The following ETF1 variants were observed in gnomAD, a reference collection of about 807,000 sequenced individuals.
ETF1 encodes the protein eukaryotic peptide chain release factor subunit 1.
Under a neutral mutation model 55.1 loss-of-function variants are expected in ETF1, and 4 were observed. That is an observed-to-expected ratio of 0.07 (90% confidence interval 0.04 to 0.17). The LOEUF (loss-of-function observed/expected upper bound fraction) is 0.17, where lower values mean the gene tolerates loss of function less well. ETF1 is among the 10% of genes least tolerant of loss of function. The probability of loss-of-function intolerance (pLI) is 1.00; values close to 1 mark genes in which losing one functional copy is unlikely to be tolerated. For missense variants in ETF1, 142 were observed against 523.6 expected (o/e 0.27, Z 7.11); for synonymous variants, 157 against 182.3 (o/e 0.86, Z 1.12).
rs111540636 is a variant in ETF1, at chr5:138,527,778, C to CT, written c.87-8912dup. 9.0e-3 allele frequency among the ~76,000 whole-genome samples: 1,314 copies of CT among 145,584 alleles called. 12 individuals carry two copies. The highest frequency in any genetic ancestry group is 0.038 in the South Asian group (174 of 4,622). On this transcript the variant is annotated intron_variant, in intron 2 of 10. Coordinates refer to ENST00000360541, the MANE Select transcript of ETF1 (RefSeq NM_004730.4). The stretch of plus-strand genomic sequence containing the variant: ...GGGTTTGTAGGAAGTTCTTTCTTTT[C>CT]TTTTTTTTTTTGAGAGGGGGTTTCC...
intron 9 of ETF1, 58 bp from the exon 10 acceptor site, chr5:138,508,874 A>G: frequency 6.3e-7 from 1 of 1,575,294 alleles, no homozygotes; most frequent in South Asian, 1.2e-5. Context: ...AAGGCTAATT[A>G]GTCCCTCTCA....
At chr5:138,524,805 T>C (rs1032596522) in intron 2 of ETF1, among the ~76,000 whole-genome samples, 4 of 151,990 alleles carry the variant, frequency 2.6e-5, no homozygotes, top group African/African-American at 9.7e-5. Flanking sequence ...CTTGATCTCC[T>C]GACTTCATGA....
chr5:138,509,069 G>A (rs1764662730), intron 9 of ETF1: 2 of 984,860 alleles, frequency 2.0e-6, no homozygotes, highest in Admixed American at 6.2e-5. Flanking sequence ...AAAACTCAGT[G>A]GGTATTCAGC....
chr5:138,509,491 G>A (rs1764678971), intron 9 of ETF1, among the ~76,000 whole-genome samples: 1 of 152,142 alleles, frequency 6.6e-6, no homozygotes, highest in South Asian at 2.1e-4. Flanking sequence ...GCCAGGCATG[G>A]TGGGTCACGT....
chr5:138,542,716 G>A (rs1766236537), intron 2 of ETF1, 117 bp downstream of exon 2: 2 of 1,524,944 alleles, frequency 1.3e-6, no homozygotes, highest in African/African-American at 1.4e-5. Context: ...CAGAGATCCA[G>A]AAGGCGGGAG....
chr5:138,543,116 C>T lies in ETF1; in HGVS notation c.-38G>A. The T allele has an allele frequency of 3.3e-6, 2 of 607,506 alleles. No individual in the cohort carries two copies. The highest frequency in any genetic ancestry group is 5.6e-6 in the Non-Finnish European group (2 of 354,032). 37.6% of individuals were successfully genotyped at this position (607,506 alleles called of 1,614,324 possible). ...CCTTACCTAAGGGCCCAGTCCTGGG[C>T]GGCAGCGGCTGCTCCTCCCCGGCGG... On this transcript the variant is annotated 5_prime_UTR_variant, in exon 1 of 11. Transcript: ENST00000360541.
intron 4 of ETF1, among the ~76,000 whole-genome samples, chr5:138,515,673 A>C (rs924388364): frequency 6.6e-6 from 1 of 152,196 alleles, no homozygotes. Flanking sequence ...AAGGTTTGGA[A>C]AAAAGCCAAC....
intron 7 of ETF1, 117 bp from the exon 8 acceptor site, chr5:138,511,317 A>G: frequency 6.6e-7 from 1 of 1,520,196 alleles, no homozygotes; most frequent in Non-Finnish European, 8.8e-7. Context: ...CTGAGGCAAA[A>G]GAGTTAATAA....
chr5:138,535,153 G>A lies in ETF1; in HGVS notation c.86+7680C>T, dbSNP rs1220851579. Among the ~76,000 whole-genome samples, 25 of 151,896 alleles carry A rather than the reference G, an allele frequency of 1.6e-4. 2 individuals are homozygous for A. The Admixed American group carries it at 1.6e-3, about 10-fold the overall frequency. On this transcript the variant is annotated intron_variant, in intron 2 of 10. Transcript: ENST00000360541. ...TTTAGTAGAGACAGGTTTTCACCAT[G>A]TTGGCCAGGCTGGTCTTGAACTCCT...
At position 138,543,095 on chromosome 5, in the gene ETF1, A is replaced by T; in HGVS notation, c.-19+2T>A. On this transcript the variant is annotated splice_donor_variant, in intron 1 of 10. Transcript: ENST00000360541. LOFTEE classifies it low-confidence loss of function (5UTR_SPLICE). Reference sequence around the variant, plus strand: ...ACCGGCCTTTCCCTCCCTGTGCCTTACCTAAGGGCCCAGTCCTGGGCGGCA... The same window carrying T: ...ACCGGCCTTTCCCTCCCTGTGCCTTTCCTAAGGGCCCAGTCCTGGGCGGCA... The T allele has an allele frequency of 1.5e-6, 1 of 658,446 alleles. No individual in the cohort carries two copies. The allele number at this position is 658,446 out of a possible 1,614,324, so 40.8% of individuals were successfully genotyped here. A position where few individuals can be genotyped will look rare whatever the true frequency, so the allele number is the denominator to read the frequency against.
In ETF1 at chr5:138,508,140, G is replaced by A. The variant is rs1315156931; in HGVS notation, c.*165C>T. ...ATGACAAACCAAAGTGTAGGGCTGG[G>A]TCTGGTTTTGTTTCGGTTTTCTTTT... On this transcript the variant is annotated 3_prime_UTR_variant, in exon 11 of 11. Transcript: ENST00000360541. 1.3e-5 allele frequency: 11 copies of A among 850,946 alleles called. No individual in the cohort carries two copies. Among genetic ancestry groups the A allele is most frequent in the Admixed American group, 6.5e-5 (2 of 30,990 alleles). 52.7% of individuals were successfully genotyped at this position (850,946 alleles called of 1,614,324 possible).
intron 5 of ETF1, 96 bp downstream of exon 5, chr5:138,513,472 G>A: frequency 4.6e-6 from 5 of 1,090,016 alleles, no homozygotes; most frequent in Non-Finnish European, 6.8e-6. Context: ...CCAAAGTGCT[G>A]GGATTACAGG....
intron 2 of ETF1, among the ~76,000 whole-genome samples, chr5:138,519,402 G>T (rs1423227851): frequency 6.6e-6 from 1 of 151,960 alleles, no homozygotes; most frequent in Admixed American, 6.6e-5. Context: ...GATGGCTCAC[G>T]CTTATAATCC....
chr5:138,515,896 C>G (rs945893523), intron 4 of ETF1, among the ~76,000 whole-genome samples: 3 of 152,222 alleles, frequency 2.0e-5, no homozygotes, highest in African/African-American at 4.8e-5. Flanking sequence ...CAAGATCCAA[C>G]TATAAATGGA....
At chr5:138,522,902 A>C (rs1285344025) in intron 2 of ETF1, among the ~76,000 whole-genome samples, 2 of 152,098 alleles carry the variant, frequency 1.3e-5, no homozygotes, top group Non-Finnish European at 2.9e-5. Context: ...GCTATTCAGG[A>C]GGCTGAGTCA....
At chr5:138,525,075 C>A (rs1479859100) in intron 2 of ETF1, among the ~76,000 whole-genome samples, 1 of 151,984 alleles carries the variant, frequency 6.6e-6, no homozygotes, top group African/African-American at 2.4e-5. Flanking sequence ...AGCATGTTTT[C>A]CCGAGAAGTA....
chr5:138,538,894 A>C (rs1233129849), intron 2 of ETF1, among the ~76,000 whole-genome samples: 1 of 152,246 alleles, frequency 6.6e-6, no homozygotes, highest in Non-Finnish European at 1.5e-5. Flanking sequence ...AACACTGTTA[A>C]ATCTATATAA....
At chr5:138,522,711 ACTT>A (rs1256289100) in intron 2 of ETF1, among the ~76,000 whole-genome samples, 28 of 152,254 alleles carry the variant, frequency 1.8e-4, no homozygotes, top group African/African-American at 6.8e-4. Context: ...TATTGCATTA[ACTT>A]ACACTACATT....
At chr5:138,535,437 C>T (rs1240769090) in intron 2 of ETF1, among the ~76,000 whole-genome samples, 1 of 149,914 alleles carries the variant, frequency 6.7e-6, no homozygotes, top group Admixed American at 6.7e-5. Context: ...AGATGAATTT[C>T]GGCCAGGCGC....
Sources: gnomAD v4.1 joint callset for allele counts (sites outside exome capture counted in the v4.1 genomes callset) on GRCh38, gnomAD v4.1.1 for gene constraint, MANE v1.5 for transcripts, NCBI Gene and HGNC (gene_info 2026-07-23, HGNC 2026-07-21) for gene names.